The following DENND5B variants were observed in gnomAD, a reference collection of about 807,000 sequenced individuals.
DENND5B encodes DENN domain containing 5B.
A neutral mutation model predicts 140.6 loss-of-function variants in DENND5B; 34 were observed. The observed-to-expected ratio is 0.24, with a 90% CI of 0.18 to 0.32. DENND5B has a LOEUF of 0.32. Among genes scored for constraint, DENND5B ranks in the 10% least tolerant of loss-of-function variants. DENND5B has a pLI of 1.00. For synonymous variants in DENND5B, 551 were observed against 562.1 expected (o/e 0.98, Z 0.28); for missense variants, 1,142 against 1,560.2 (o/e 0.73, Z 4.52).
At chr12:31,422,587 T>G (rs1005450380) in intron 11 of DENND5B, among the ~76,000 whole-genome samples, 2 of 152,154 alleles carry the variant, frequency 1.3e-5, no homozygotes, top group African/African-American at 2.4e-5. Context: ...GGTGACAAGA[T>G]CGAGACTCCA....
chr12:31,464,048 TTTC>T (rs1273484742), intron 3 of DENND5B, among the ~76,000 whole-genome samples: 2 of 152,198 alleles, frequency 1.3e-5, no homozygotes, highest in African/African-American at 4.8e-5. Flanking sequence ...AAGGCAGAGT[TTTC>T]TTCTTTAAGC....
intron 1 of DENND5B, among the ~76,000 whole-genome samples, chr12:31,527,126 G>A (rs1948112442): frequency 6.6e-6 from 1 of 152,132 alleles, no homozygotes; most frequent in African/African-American, 2.4e-5. Flanking sequence ...TGACAGTAAA[G>A]AGCATTGAGG....
intron 2 of DENND5B, among the ~76,000 whole-genome samples, chr12:31,494,703 T>C (rs989730162): frequency 7.2e-5 from 11 of 152,280 alleles, no homozygotes; most frequent in African/African-American, 2.2e-4. Flanking sequence ...GGTTGTATGT[T>C]TGTGTAGGGT....
At chr12:31,483,482 C>G (rs987844122) in intron 2 of DENND5B, among the ~76,000 whole-genome samples, 1 of 151,766 alleles carries the variant, frequency 6.6e-6, no homozygotes, top group African/African-American at 2.4e-5. Context: ...GCTCTGTCAC[C>G]CAGGCTGGAG....
chr12:31,581,013 G>A (rs1419355189), intron 1 of DENND5B, among the ~76,000 whole-genome samples: 2 of 152,176 alleles, frequency 1.3e-5, no homozygotes, highest in Non-Finnish European at 2.9e-5. Flanking sequence ...GCTGAGGTAG[G>A]AGGATCACTT....
At chr12:31,398,770 T>C (rs1284394320) in intron 16 of DENND5B, among the ~76,000 whole-genome samples, 6 of 152,090 alleles carry the variant, frequency 3.9e-5, no homozygotes, top group African/African-American at 9.7e-5. Flanking sequence ...CTGAGAGTTA[T>C]ATTAATCTTT....
At chr12:31,561,266 G>A (rs1247544750) in intron 1 of DENND5B, among the ~76,000 whole-genome samples, 1 of 152,140 alleles carries the variant, frequency 6.6e-6, no homozygotes, top group Admixed American at 6.5e-5. Flanking sequence ...TCCACATATC[G>A]CAAAAGAGAA....
At chr12:31,579,675 C>T (rs1460790648) in intron 1 of DENND5B, among the ~76,000 whole-genome samples, 5 of 142,884 alleles carry the variant, frequency 3.5e-5, no homozygotes, top group African/African-American at 1.0e-4. Flanking sequence ...TGAGACACAG[C>T]GAGATTCTGA....
intron 3 of DENND5B, among the ~76,000 whole-genome samples, chr12:31,470,362 C>A (rs1010459877): frequency 6.6e-6 from 1 of 151,994 alleles, no homozygotes; most frequent in African/African-American, 2.4e-5. Flanking sequence ...GATCCACCCA[C>A]CTCGGCCTCC....
rs574902820 is a variant in DENND5B, at chr12:31,470,498, T to A, written c.904+9091A>T. 6.6e-5 allele frequency among the ~76,000 whole-genome samples: 10 copies of A among 152,162 alleles called. No individual in the cohort carries two copies. The East Asian group carries it at 1.9e-3, about 29-fold the overall frequency. On this transcript the variant is annotated intron_variant, in intron 3 of 20. Transcript: ENST00000389082. ...CTCTTGGGCTCAAGAGATCTGCCTG[T>A]CTCAGCTTCCCAGAGTGCTGGGATT...
chr12:31,402,762 G>C (rs1941872827), intron 14 of DENND5B, 119 bp from the exon 15 acceptor site: 1 of 1,206,642 alleles, frequency 8.3e-7, no homozygotes, highest in Non-Finnish European at 1.1e-6. Context: ...GAGCTATCAA[G>C]ATGTACTTAT....
intron 1 of DENND5B, among the ~76,000 whole-genome samples, chr12:31,569,542 C>T (rs1050475115): frequency 6.6e-6 from 1 of 152,240 alleles, no homozygotes; most frequent in African/African-American, 2.4e-5. Flanking sequence ...GGAGCGATGG[C>T]TCATGCCTAT....
intron 1 of DENND5B, among the ~76,000 whole-genome samples, chr12:31,554,871 T>A (rs1949215469): frequency 6.6e-6 from 1 of 152,238 alleles, no homozygotes; most frequent in Admixed American, 6.5e-5. Flanking sequence ...GCTTCTGCAT[T>A]CGTCACGTAG....
intron 2 of DENND5B, among the ~76,000 whole-genome samples, chr12:31,486,294 CAAT>C (rs1267926756): frequency 6.6e-6 from 1 of 152,164 alleles, no homozygotes; most frequent in African/African-American, 2.4e-5. Flanking sequence ...CTGGAGTACA[CAAT>C]AACAAAGTAC....
chr12:31,435,881 G>A (rs1478906580), intron 7 of DENND5B, among the ~76,000 whole-genome samples: 2 of 152,020 alleles, frequency 1.3e-5, no homozygotes, highest in Non-Finnish European at 1.5e-5. Flanking sequence ...GGCTGGTCTC[G>A]AACTCCTGAC....
chr12:31,578,269 A>G (rs1388278716), intron 1 of DENND5B, among the ~76,000 whole-genome samples: 1 of 152,056 alleles, frequency 6.6e-6, no homozygotes, highest in Non-Finnish European at 1.5e-5. Flanking sequence ...ACACTGTCAC[A>G]TTGTATAATT....
At chr12:31,443,256 G>C (rs550583792) in intron 6 of DENND5B, among the ~76,000 whole-genome samples, 1 of 152,254 alleles carries the variant, frequency 6.6e-6, no homozygotes, top group South Asian at 2.1e-4. Flanking sequence ...TGTATTTTTA[G>C]TAGAGATGGC....
chr12:31,424,531 T>C lies in DENND5B; in HGVS notation c.2391+4A>G. The C allele has an allele frequency of 6.2e-7, 1 of 1,612,720 alleles. No homozygotes were observed. The highest frequency in any genetic ancestry group is 8.5e-7 in the Non-Finnish European group (1 of 1,179,432). ...ATGTCACCAGGACCTCCTAAAACTG[T>C]TACCTGCTTGACCTGCAAGCCATGG... On this transcript the variant is annotated splice_donor_region_variant and intron_variant, in intron 10 of 20. Coordinates refer to ENST00000389082, the MANE Select transcript of DENND5B (RefSeq NM_144973.4).
intron 1 of DENND5B, among the ~76,000 whole-genome samples, chr12:31,571,529 C>T (rs1237832417): frequency 6.6e-6 from 1 of 151,456 alleles, no homozygotes; most frequent in Non-Finnish European, 1.5e-5. Flanking sequence ...GATTTAATTT[C>T]TATCTCTCAA....
Sources: allele counts gnomAD v4.1 joint callset (sites outside exome capture counted in the v4.1 genomes callset), GRCh38; gene constraint gnomAD v4.1.1; transcripts MANE v1.5; gene names NCBI Gene and HGNC (gene_info 2026-07-23, HGNC 2026-07-21).